WNK3: variants seen among roughly 807,000 people sequenced by gnomAD.
WNK3 encodes the protein WNK lysine deficient protein kinase 3, also known as serine/threonine-protein kinase WNK3.
Under a neutral mutation model 116.7 loss-of-function variants are expected in WNK3, and 18 were observed. The observed-to-expected ratio is 0.15, with a 90% CI of 0.11 to 0.23. The LOEUF is 0.23. Ranked by LOEUF, WNK3 falls within the 10% of genes least tolerant of loss-of-function variation. The pLI is 1.00. For synonymous variants in WNK3, 404 were observed against 469.4 expected (o/e 0.86, Z 1.80); for missense variants, 993 against 1,323.8 (o/e 0.75, Z 3.88).
At chrX:54,213,926 C>T (rs782792413) in intron 22 of WNK3, among the ~76,000 whole-genome samples, 1 of 110,843 alleles carries the variant, frequency 9.0e-6, no homozygotes, top group Non-Finnish European at 1.9e-5. Context: ...ACATGAAATA[C>T]GTAATCTAAA....
intron 10 of WNK3, among the ~76,000 whole-genome samples, chrX:54,269,061 TAAG>T (rs2068349673): frequency 9.0e-6 from 1 of 111,050 alleles, no homozygotes; most frequent in African/African-American, 3.3e-5. Flanking sequence ...GATGCACTGA[TAAG>T]AAGACAACAT....
At chrX:54,302,757 A>ATATTT (rs1557167848) in intron 5 of WNK3, among the ~76,000 whole-genome samples, 30 of 43,374 alleles carry the variant, frequency 6.9e-4, no homozygotes, top group African/African-American at 1.9e-3. Context: ...ATATATATAT[A>ATATTT]TTTTTTTTTT....
intron 1 of WNK3, among the ~76,000 whole-genome samples, chrX:54,341,606 AAAT>A (rs1284419868): frequency 9.8e-4 from 109 of 110,995 alleles, no homozygotes; most frequent in African/African-American, 3.3e-3. Context: ...TAAAAATAAA[AAAT>A]AATAAAAAAA....
At chrX:54,247,896 T>G (rs782521546) in intron 17 of WNK3, among the ~76,000 whole-genome samples, 1 of 111,519 alleles carries the variant, frequency 9.0e-6, no homozygotes, top group East Asian at 2.8e-4. Flanking sequence ...TGGTTACTTT[T>G]GTGATTTGAA....
chrX:54,239,084 C>T lies in WNK3; in HGVS notation c.3667G>A (p.Ala1223Thr). 1.8e-6 allele frequency: 2 copies of T among 1,136,019 alleles called. No individual in the cohort carries two copies. Among genetic ancestry groups the T allele is most frequent in the Non-Finnish European group, 2.3e-6 (2 of 852,442 alleles). The allele number at this position is 1,136,019 out of a possible 1,213,427, so 93.6% of individuals were successfully genotyped here. Residue 1223 changes from alanine to threonine, a missense_variant, in exon 18 of 24, where the codon GCT becomes ACT. Physicochemically the swap from Ala to Thr is moderately conservative, Grantham distance 58. Around this residue, in one of 4 missense-constraint regions of WNK3, gnomAD observed 836 missense variants for 976.5 expected, o/e 0.86. Transcript: ENST00000354646. ...GCCTCTGGATCCCCTGGAAGTGAAG[C>T]ATCTGAGGACATCTCCTAATGGAGA...
At chrX:54,337,285 G>A (rs1248522233) in intron 1 of WNK3, among the ~76,000 whole-genome samples, 1 of 111,082 alleles carries the variant, frequency 9.0e-6, no homozygotes, top group African/African-American at 3.3e-5. Flanking sequence ...TCTTTGGCTG[G>A]GTGCGGTGGC....
At chrX:54,331,272 C>T (rs2069167133) in intron 2 of WNK3, among the ~76,000 whole-genome samples, 1 of 107,558 alleles carries the variant, frequency 9.3e-6, no homozygotes, top group Non-Finnish European at 1.9e-5. Flanking sequence ...TAAATATACA[C>T]TAACAAAAAT....
intron 10 of WNK3, among the ~76,000 whole-genome samples, chrX:54,276,611 G>A (rs781918488): frequency 7.3e-5 from 8 of 109,702 alleles, no homozygotes; most frequent in African/African-American, 2.7e-4. Context: ...AGGCTGTTTC[G>A]ATATTTGAAA....
At chrX:54,211,828 A>T (rs1316789764) in intron 22 of WNK3, among the ~76,000 whole-genome samples, 3 of 110,907 alleles carry the variant, frequency 2.7e-5, no homozygotes, top group Non-Finnish European at 5.7e-5. Flanking sequence ...AGACAATGAG[A>T]AAAATCTCCA....
intron 10 of WNK3, among the ~76,000 whole-genome samples, chrX:54,282,588 C>G (rs1004203291): frequency 1.4e-4 from 16 of 111,487 alleles, no homozygotes; most frequent in African/African-American, 4.9e-4. Context: ...ACAAGCTGAT[C>G]CCAAAATTCA....
intron 22 of WNK3, among the ~76,000 whole-genome samples, chrX:54,209,551 T>TA (rs1210892000): frequency 1.2e-5 from 1 of 84,180 alleles, no homozygotes; most frequent in Non-Finnish European, 2.4e-5. Flanking sequence ...AGTGCTTTTT[T>TA]TTTTTTTTTT....
chrX:54,232,671 CAG>C (rs1358753747), intron 21 of WNK3, 136 bp downstream of exon 21: 1 of 558,301 alleles, frequency 1.8e-6, no homozygotes, highest in East Asian at 3.7e-5. Flanking sequence ...ACATCAAAAA[CAG>C]AAAATAATCT....
At chrX:54,193,512 A>T (rs1158205534) in exon 24 of WNK3, 2 of 110,861 alleles carry the variant, frequency 1.8e-5, no homozygotes, top group African/African-American at 3.3e-5. Flanking sequence ...CCTTGTTTGA[A>T]TTTTTTTTAA....
chrX:54,246,054 C>T (rs1166628236), intron 17 of WNK3, among the ~76,000 whole-genome samples: 1 of 112,219 alleles, frequency 8.9e-6, no homozygotes, highest in East Asian at 2.8e-4. Flanking sequence ...AATCTTTTCA[C>T]ATGTTTAGCA....
At chrX:54,310,494 G>A (rs2068875437) in intron 3 of WNK3, among the ~76,000 whole-genome samples, 1 of 110,370 alleles carries the variant, frequency 9.1e-6, no homozygotes, top group East Asian at 2.8e-4. Flanking sequence ...GCTGCAGTTA[G>A]CCATGATCAT....
At chrX:54,261,629 A>AACACAC (rs782069714) in intron 10 of WNK3, among the ~76,000 whole-genome samples, 33 of 109,442 alleles carry the variant, frequency 3.0e-4, no homozygotes, top group Non-Finnish European at 5.0e-4. Flanking sequence ...TCTGTACACA[A>AACACAC]ACACACACAC....
chrX:54,336,405 C>T (rs1020373993), intron 1 of WNK3, among the ~76,000 whole-genome samples: 2 of 97,502 alleles, frequency 2.1e-5, no homozygotes, highest in African/African-American at 3.8e-5. Flanking sequence ...TTTTTTCCAA[C>T]AAATGGTGCT....
At chrX:54,212,601 G>A (rs1324155203) in intron 22 of WNK3, among the ~76,000 whole-genome samples, 1 of 112,303 alleles carries the variant, frequency 8.9e-6, no homozygotes. Flanking sequence ...CTGTACATAA[G>A]CATTGTATTT....
chrX:54,292,068 T>C (rs113152787), intron 10 of WNK3, among the ~76,000 whole-genome samples: 1,394 of 111,915 alleles, frequency 0.012, 20 homozygotes, highest in African/African-American at 0.044. Flanking sequence ...ATTAACTCAT[T>C]GTCAGAAATG....
Sources: gnomAD v4.1 joint callset for allele counts (sites outside exome capture counted in the v4.1 genomes callset) on GRCh38, gnomAD v4.1.1 for gene constraint, gnomAD v4.1.1 regional missense constraint, MANE v1.5 for transcripts, NCBI Gene and HGNC (gene_info 2026-07-23, HGNC 2026-07-21) for gene names.